EFCC1: variants seen among roughly 807,000 people sequenced by gnomAD.
EFCC1 encodes EF-hand and coiled-coil domain-containing protein 1.
A neutral mutation model predicts 52.1 loss-of-function variants in EFCC1; 50 were observed. That is an observed-to-expected ratio of 0.96 (90% confidence interval 0.76 to 1.21). The LOEUF is 1.21. Ranked by LOEUF, EFCC1 falls within the 50% of genes most tolerant of loss-of-function variation. The pLI is 0.00. For missense variants in EFCC1, 837 were observed against 867.3 expected (o/e 0.97, Z 0.44); for synonymous variants, 399 against 396.5 (o/e 1.01, Z -0.08).
At chr3:129,024,016 C>T (rs890967703) in intron 2 of EFCC1, among the ~76,000 whole-genome samples, 1 of 152,176 alleles carries the variant, frequency 6.6e-6, no homozygotes, top group Non-Finnish European at 1.5e-5. Flanking sequence ...CTGGCCTGGC[C>T]TTTCCTTGCA....
chr3:129,012,843 GC>G (rs1338544556), intron 2 of EFCC1, among the ~76,000 whole-genome samples: 1 of 152,236 alleles, frequency 6.6e-6, no homozygotes, highest in African/African-American at 2.4e-5. Flanking sequence ...CTACAGCTCA[GC>G]ACCAGGCACA....
In EFCC1 at chr3:129,034,233, T is replaced by C; in HGVS notation, c.1356T>C (p.His452=). ...ACTTCGGCGGTGCCAACCATGCCCA[T>C]ACCCTGGGGGAGCTGGAGGCCTGCA... ...FGHFGGANHA[H]TLGELEACIA... Residue 452 remains histidine (H), a synonymous_variant, in exon 5 of 8, where the codon CAT becomes CAC. Transcript: ENST00000683648. 1.2e-6 allele frequency: 2 copies of C among 1,614,164 alleles called. No individual in the cohort carries two copies. Among genetic ancestry groups the C allele is most frequent in the East Asian group, 4.5e-5 (2 of 44,878 alleles).
At chr3:129,023,997 G>T (rs746597154) in intron 2 of EFCC1, among the ~76,000 whole-genome samples, 5 of 152,128 alleles carry the variant, frequency 3.3e-5, no homozygotes, top group Admixed American at 1.3e-4. Flanking sequence ...CCAGGCTCTG[G>T]TCTTGTCCCT....
chr3:129,028,240 C>T (rs945075720), intron 2 of EFCC1, among the ~76,000 whole-genome samples: 2 of 152,006 alleles, frequency 1.3e-5, no homozygotes, highest in East Asian at 1.9e-4. Flanking sequence ...CCCGCCACCA[C>T]ACCCAGCTAA....
intron 2 of EFCC1, among the ~76,000 whole-genome samples, chr3:129,013,405 G>A (rs1359947483): frequency 2.0e-5 from 3 of 152,142 alleles, no homozygotes; most frequent in Admixed American, 6.5e-5. Flanking sequence ...AATCTCAAGC[G>A]TATATAGCTT....
In EFCC1 at chr3:129,010,740, C is replaced by G. The variant is rs113195675; in HGVS notation, c.980+6663C>G. ...GGCACCATCTGGAGCTGGGAGGCCT[C>G]GGATTCCATCGTCCTTGGAGGTGGG... On this transcript the variant is annotated intron_variant, in intron 2 of 7. Coordinates refer to ENST00000683648, the MANE Select transcript of EFCC1 (RefSeq NM_001377500.1). The surrounding 1 kb of genome is among the most constrained non-coding windows in gnomAD (Gnocchi z 4.3). Among the ~76,000 whole-genome samples, 1 of 152,106 alleles carries G rather than the reference C, an allele frequency of 6.6e-6. No individual in the cohort carries two copies.
In EFCC1 at chr3:129,002,023, C is replaced by G; in HGVS notation, c.395C>G (p.Ala132Gly). Residue 132 changes from alanine (A) to glycine (G), a missense_variant, in exon 1 of 8, where the codon GCG (alanine) becomes GGG (glycine). Physicochemically the swap from Ala to Gly is moderately conservative, Grantham distance 60. Transcript: ENST00000683648. ...DSDTDEEARL[A>G]LRAEPPELTF... ...GATACCGATGAAGAGGCGCGCCTGG[C>G]GCTGCGCGCCGAGCCGCCGGAGCTC... 1 of 1,544,668 alleles carries G rather than the reference C, an allele frequency of 6.5e-7. No homozygotes were observed. The highest frequency in any genetic ancestry group is 2.5e-5 in the East Asian group (1 of 40,420).
intron 2 of EFCC1, among the ~76,000 whole-genome samples, chr3:129,011,191 G>A (rs1945310936): frequency 6.6e-6 from 1 of 152,234 alleles, no homozygotes; most frequent in East Asian, 1.9e-4. Flanking sequence ...ACTTCATGGA[G>A]TATTTGAAGA....
In EFCC1 at chr3:129,016,958, G is replaced by A. The variant is rs148429699; in HGVS notation, c.980+12881G>A. ...ATTATCTCATGTGAGAAGTCCAGGG[G>A]AGAGCAGTTCCTTGGCAGTTCAGTA... On this transcript the variant is annotated intron_variant, in intron 2 of 7. Transcript: ENST00000683648. 3.5e-3 allele frequency among the ~76,000 whole-genome samples: 532 copies of A among 152,326 alleles called. 3 individuals carry two copies. The highest frequency in any genetic ancestry group is 0.027 in the Middle Eastern group (8 of 294).
chr3:129,038,200 A>G (rs1478255026), intron 6 of EFCC1, among the ~76,000 whole-genome samples: 1 of 152,228 alleles, frequency 6.6e-6, no homozygotes, highest in Non-Finnish European at 1.5e-5. Flanking sequence ...AGAAAGCAAG[A>G]CCCAGGTCTG....
At chr3:129,016,522 A>G (rs1052321459) in intron 2 of EFCC1, among the ~76,000 whole-genome samples, 8 of 146,868 alleles carry the variant, frequency 5.4e-5, no homozygotes, top group African/African-American at 2.0e-4. Flanking sequence ...CCTCTGGGGA[A>G]GCCCATAAGC....
Position 129,039,713 on chromosome 3 carries a change from G to C in EFCC1, c.1665G>C (p.Glu555Asp), listed in dbSNP as rs75140996. ...TCCCTGCCTGCTGTTTCCCTCCAGA[G>C]GGAAGGCCCAGCCCTGCAGCCATCC... Reference protein sequence around the residue: ...TLDAFRDPTHEGRPSPAAILD... With the variant: ...TLDAFRDPTHDGRPSPAAILD... Residue 555 changes from glutamate to aspartate, a missense_variant and splice_region_variant, in exon 8 of 8, where the codon GAG (glutamate) becomes GAC (aspartate). Physicochemically the swap from Glu to Asp is conservative, Grantham distance 45. Transcript: ENST00000683648. The C allele has an allele frequency of 0.016, 24,837 of 1,596,292 alleles. 274 individuals carry two copies. The highest frequency in any genetic ancestry group is 0.018 in the Non-Finnish European group (20,497 of 1,168,562).
chr3:129,033,065 C>T (rs1946303458), intron 4 of EFCC1, 99 bp downstream of exon 4: 1 of 1,410,564 alleles, frequency 7.1e-7, no homozygotes, highest in Non-Finnish European at 9.3e-7. Flanking sequence ...CTGGCTCAGC[C>T]ACCTCCCAGC....
intron 4 of EFCC1, among the ~76,000 whole-genome samples, chr3:129,033,894 CG>C (rs1483704957): frequency 6.6e-6 from 1 of 152,350 alleles, no homozygotes; most frequent in East Asian, 1.9e-4. Flanking sequence ...GGCATGTTGG[CG>C]GGACCGCCAG....
intron 5 of EFCC1, among the ~76,000 whole-genome samples, chr3:129,036,145 G>A (rs1946351719): frequency 6.6e-6 from 1 of 152,262 alleles, no homozygotes; most frequent in Admixed American, 6.5e-5. Flanking sequence ...TAAACTGGCA[G>A]TCACAAAGTT....
chr3:129,026,134 T>C (rs2107927243), intron 2 of EFCC1, among the ~76,000 whole-genome samples: 2 of 152,354 alleles, frequency 1.3e-5, no homozygotes, highest in South Asian at 4.1e-4. Context: ...GAGAACAGCT[T>C]TCAGAACATT....
At chr3:129,017,850 C>T (rs1945658337) in intron 2 of EFCC1, among the ~76,000 whole-genome samples, 1 of 152,116 alleles carries the variant, frequency 6.6e-6, no homozygotes, top group African/African-American at 2.4e-5. Context: ...GGGGCCCATT[C>T]CTAGACATTC....
chr3:129,028,631 T>G (rs958268415), intron 2 of EFCC1, among the ~76,000 whole-genome samples: 3 of 151,154 alleles, frequency 2.0e-5, no homozygotes, highest in African/African-American at 7.3e-5. Context: ...TTTGTTGGCT[T>G]TTCTTTTTTC....
chr3:129,002,159 C>A lies in EFCC1; in HGVS notation c.531C>A (p.Arg177=). The A allele has an allele frequency of 6.8e-7, 1 of 1,471,662 alleles. No individual in the cohort carries two copies. The highest frequency in any genetic ancestry group is 2.6e-5 in the Admixed American group (1 of 37,994). 91.2% of individuals were successfully genotyped at this position (1,471,662 alleles called of 1,614,324 possible). The change falls in exon 1 of 8, where the codon CGC becomes CGA. Residue 177 remains arginine, a synonymous_variant. Coordinates refer to ENST00000683648, the MANE Select transcript of EFCC1 (RefSeq NM_001377500.1). ...SEHIETQIRL[R]RPRRRRRPPC... is the part of the protein sequence containing the mutation. ...ACATCGAGACGCAGATCCGCCTGCG[C>A]CGTCCGCGCCGCCGCCGCCGCCCGC...
Sources: gnomAD v4.1 joint callset for allele counts (sites outside exome capture counted in the v4.1 genomes callset) on GRCh38, gnomAD v4.1.1 for gene constraint, Gnocchi (gnomAD v3.1) non-coding constraint, MANE v1.5 for transcripts, NCBI Gene and HGNC (gene_info 2026-07-23, HGNC 2026-07-21) for gene names.